PAM: variants seen among roughly 807,000 people sequenced by gnomAD.
PAM encodes peptidyl-glycine alpha-amidating monooxygenase.
PAM carries 72 observed loss-of-function variants against 122.1 expected under a neutral mutation model. The ratio of observed to expected loss-of-function variants is 0.59; its 90% CI spans 0.49 to 0.72. PAM has a LOEUF of 0.72. PAM is among the 30% of genes least tolerant of loss of function. The pLI is 0.00. For synonymous variants in PAM, 389 were observed against 404.4 expected (o/e 0.96, Z 0.46); for missense variants, 1,106 against 1,183.7 (o/e 0.93, Z 0.96).
intron 1 of PAM, among the ~76,000 whole-genome samples, chr5:102,862,052 C>T (rs1784329785): frequency 6.6e-6 from 1 of 151,812 alleles, no homozygotes; most frequent in South Asian, 2.1e-4. Flanking sequence ...TGTCTGTAGT[C>T]CCGGCTACTC....
intron 15 of PAM, among the ~76,000 whole-genome samples, chr5:102,989,584 T>G (rs1477643647): frequency 1.3e-5 from 2 of 152,144 alleles, no homozygotes; most frequent in Admixed American, 6.6e-5. Context: ...TGGAAATCAT[T>G]CAGTCACAGA....
chr5:102,935,573 G>T (rs1188562678), intron 7 of PAM, among the ~76,000 whole-genome samples: 1 of 152,108 alleles, frequency 6.6e-6, no homozygotes, highest in Non-Finnish European at 1.5e-5. Context: ...GGGTCATGGA[G>T]TGTCTAAATC....
At chr5:102,995,097 A>G (rs1376422485) in intron 16 of PAM, among the ~76,000 whole-genome samples, 2 of 152,130 alleles carry the variant, frequency 1.3e-5, no homozygotes, top group African/African-American at 2.4e-5. Flanking sequence ...TTGCTTCGCT[A>G]GTTTTCTGGA....
chr5:102,801,372 T>C (rs1764654705), intron 1 of PAM, among the ~76,000 whole-genome samples: 1 of 152,226 alleles, frequency 6.6e-6, no homozygotes. Context: ...TATTGATGCT[T>C]TTTATTCTAG....
Position 103,006,951 on chromosome 5 carries a change from T to C in PAM, c.1954T>C (p.Cys652Arg), listed in dbSNP as rs757875110. 5 of 1,614,050 alleles carry C rather than the reference T, an allele frequency of 3.1e-6. No individual in the cohort carries two copies. In the South Asian group the frequency reaches 5.5e-5, roughly 18 times the overall value. ...AGCCATTTATGTATCAGATGGTTAC[T>C]GCAACAGCAGGATTGTGCAGTTTTC... ...TGAIYVSDGY[C>R]NSRIVQFSPS... The change falls in exon 19 of 26, where the codon TGC (cysteine) becomes CGC (arginine). Residue 652 changes from cysteine (C) to arginine (R), a missense_variant. Cys to Arg is a radical substitution (Grantham distance 180). Coordinates refer to ENST00000438793, the MANE Select transcript of PAM (RefSeq NM_001177306.2).
intron 16 of PAM, among the ~76,000 whole-genome samples, chr5:102,993,035 T>C (rs1774627269): frequency 6.6e-6 from 1 of 152,132 alleles, no homozygotes; most frequent in African/African-American, 2.4e-5. Context: ...GTAACCCTGA[T>C]CAGCCCTTAT....
chr5:103,018,089 T>A (rs1782539476), intron 22 of PAM, among the ~76,000 whole-genome samples: 1 of 152,158 alleles, frequency 6.6e-6, no homozygotes. Context: ...ATAAATTTTT[T>A]AAATTGAAGT....
At chr5:102,959,319 G>T (rs1001023120) in intron 12 of PAM, among the ~76,000 whole-genome samples, 1 of 152,056 alleles carries the variant, frequency 6.6e-6, no homozygotes, top group East Asian at 1.9e-4. Context: ...GAATGTCTTA[G>T]TGGGGACACA....
chr5:102,957,765 T>A (rs1413853164), intron 12 of PAM, among the ~76,000 whole-genome samples: 1 of 152,072 alleles, frequency 6.6e-6, no homozygotes, highest in Non-Finnish European at 1.5e-5. Context: ...CCTGACCTCA[T>A]GATCCACCCA....
chr5:102,926,666 GAGGTA>G lies in PAM; in HGVS notation c.526+1_526+5del. 1 of 1,551,422 alleles carries G rather than the reference GAGGTA, an allele frequency of 6.4e-7. No homozygotes were observed. The highest frequency in any genetic ancestry group is 8.9e-7 in the Non-Finnish European group (1 of 1,123,528). The stretch of plus-strand genomic sequence containing the variant: ...CACTATGGGGATATTAGTGCTTTTA[GAGGTA>G]AGTTTTGAAGTGTTGGAACTAAGCA... On this transcript the variant is annotated splice_donor_variant and splice_donor_region_variant and coding_sequence_variant and intron_variant, in exon 7 of 26. Coordinates refer to ENST00000438793, the MANE Select transcript of PAM (RefSeq NM_001177306.2). LOFTEE classifies it high-confidence loss of function.
chr5:102,811,780 G>T (rs1420735682), intron 1 of PAM, among the ~76,000 whole-genome samples: 25 of 152,114 alleles, frequency 1.6e-4, no homozygotes, highest in Admixed American at 1.5e-3. Context: ...TAATTCATTG[G>T]ATGTAATCAT....
intron 1 of PAM, among the ~76,000 whole-genome samples, chr5:102,815,008 T>C (rs1769305956): frequency 6.6e-6 from 1 of 151,984 alleles, no homozygotes; most frequent in Non-Finnish European, 1.5e-5. Context: ...CTAAACCTAG[T>C]CCTTCTCTTT....
intron 1 of PAM, among the ~76,000 whole-genome samples, chr5:102,834,878 A>G (rs559152354): frequency 3.1e-5 from 4 of 127,422 alleles, no homozygotes; most frequent in East Asian, 2.2e-4. Context: ...ACGGCAAATC[A>G]GGGGGATGAG....
At chr5:102,755,777 G>A (rs997061427) in intron 1 of PAM, among the ~76,000 whole-genome samples, 2 of 151,898 alleles carry the variant, frequency 1.3e-5, no homozygotes, top group Non-Finnish European at 2.9e-5. Context: ...TCGGTTCTCC[G>A]CCCGCCCTTC....
chr5:102,772,822 A>T (rs1285473592), intron 1 of PAM, among the ~76,000 whole-genome samples: 1 of 152,110 alleles, frequency 6.6e-6, no homozygotes, highest in Non-Finnish European at 1.5e-5. Flanking sequence ...TATAGTTAGG[A>T]TGGATTTTAT....
chr5:102,954,341 C>T (rs1760008336), intron 12 of PAM, among the ~76,000 whole-genome samples: 1 of 151,900 alleles, frequency 6.6e-6, no homozygotes, highest in African/African-American at 2.4e-5. Context: ...TCCATTTTAT[C>T]ATTCTTATGC....
chr5:102,800,837 G>T (rs1328566019), intron 1 of PAM, among the ~76,000 whole-genome samples: 1 of 151,990 alleles, frequency 6.6e-6, no homozygotes, highest in Admixed American at 6.6e-5. Context: ...TAGACTTAGT[G>T]CCCAAGATAT....
At chr5:102,839,255 C>A (rs866501305) in intron 1 of PAM, among the ~76,000 whole-genome samples, 19 of 152,180 alleles carry the variant, frequency 1.2e-4, no homozygotes, top group Middle Eastern at 3.4e-3. Context: ...CCCAAAATGT[C>A]AGAAATTTGT....
chr5:102,838,237 A>C (rs952558455), intron 1 of PAM: 1 of 152,096 alleles, frequency 6.6e-6, no homozygotes, highest in African/African-American at 2.4e-5. Flanking sequence ...TTAAGTCTGC[A>C]TGTGATTTCA....
Sources: gnomAD v4.1 joint callset for allele counts (sites outside exome capture counted in the v4.1 genomes callset) on GRCh38, gnomAD v4.1.1 for gene constraint, MANE v1.5 for transcripts, NCBI Gene and HGNC (gene_info 2026-07-23, HGNC 2026-07-21) for gene names.